The following CMTM7 variants were observed in gnomAD, a reference collection of about 807,000 sequenced individuals.
The protein encoded by CMTM7 is CKLF-like MARVEL transmembrane domain-containing protein 7.
CMTM7 carries 7 observed loss-of-function variants against 19.3 expected under a neutral mutation model. The ratio of observed to expected loss-of-function variants is 0.36; its 90% CI spans 0.21 to 0.68. The LOEUF is 0.68. CMTM7 is among the 30% of genes least tolerant of loss of function. The probability of loss-of-function intolerance (pLI) is 0.60; values close to 1 mark genes in which losing one functional copy is unlikely to be tolerated. For missense variants in CMTM7, 193 were observed against 232.6 expected (o/e 0.83, Z 1.11); for synonymous variants, 87 against 99.3 (o/e 0.88, Z 0.74).
intron 1 of CMTM7, among the ~76,000 whole-genome samples, chr3:32,400,122 C>T (rs1204573783): frequency 2.0e-5 from 3 of 151,912 alleles, no homozygotes; most frequent in African/African-American, 7.2e-5. Context: ...CAGGACCAAG[C>T]GATTTTCCTG....
chr3:32,419,380 T>TTTTC (rs1014475867), intron 1 of CMTM7, among the ~76,000 whole-genome samples: 44 of 152,334 alleles, frequency 2.9e-4, no homozygotes, highest in Middle Eastern at 3.4e-3. Flanking sequence ...CTCTATTTCT[T>TTTTC]TTTCTTACCT....
At chr3:32,412,232 C>T (rs943575758) in intron 1 of CMTM7, among the ~76,000 whole-genome samples, 4 of 152,020 alleles carry the variant, frequency 2.6e-5, no homozygotes, top group Non-Finnish European at 4.4e-5. Flanking sequence ...CACCTGTAAT[C>T]CCAGCACTTT....
chr3:32,434,768 A>C (rs1372595297), intron 1 of CMTM7, among the ~76,000 whole-genome samples: 2 of 152,166 alleles, frequency 1.3e-5, no homozygotes, highest in Non-Finnish European at 2.9e-5. Context: ...ATATATTTGC[A>C]ATGTCTATAA....
At chr3:32,451,284 T>A (rs546611583) in intron 3 of CMTM7, 2 of 152,388 alleles carry the variant, frequency 1.3e-5, no homozygotes, top group South Asian at 4.1e-4. Flanking sequence ...TACCCTTAGC[T>A]GCCCCTGCGC....
At chr3:32,403,378 G>A (rs7429221) in intron 1 of CMTM7, among the ~76,000 whole-genome samples, 23,906 of 151,986 alleles carry the variant, frequency 0.16, 2,085 homozygotes, top group East Asian at 0.28. Context: ...AGGCCACCAC[G>A]CCTGTCTAAT....
At chr3:32,399,944 T>C (rs1695976648) in intron 1 of CMTM7, among the ~76,000 whole-genome samples, 1 of 152,192 alleles carries the variant, frequency 6.6e-6, no homozygotes, top group African/African-American at 2.4e-5. Context: ...GAAAATAGAC[T>C]CACCCACTCC....
intron 1 of CMTM7, among the ~76,000 whole-genome samples, chr3:32,426,634 A>G (rs527872826): frequency 4.6e-5 from 7 of 152,156 alleles, no homozygotes; most frequent in South Asian, 2.1e-4. Context: ...GTTAATGGCT[A>G]CATAGTATTT....
Position 32,443,534 on chromosome 3 carries a change from A to T in CMTM7, c.333+1521A>T, listed in dbSNP as rs538622450. On this transcript the variant is annotated intron_variant, in intron 2 of 4. Coordinates refer to ENST00000334983, the MANE Select transcript of CMTM7 (RefSeq NM_138410.4). ...GAATAATGCTGCTATGAGCATTCAT[A>T]TACAAGTTTTTTGTGTGGACATATT... 3.3e-5 allele frequency among the ~76,000 whole-genome samples: 5 copies of T among 152,330 alleles called. No homozygotes were observed. The East Asian group carries it at 9.6e-4, about 29-fold the overall frequency.
intron 4 of CMTM7, among the ~76,000 whole-genome samples, chr3:32,453,375 T>G (rs1344961251): frequency 6.6e-6 from 1 of 152,198 alleles, no homozygotes; most frequent in African/African-American, 2.4e-5. Context: ...AATATATATA[T>G]CTGTTGCTTT....
chr3:32,454,157 A>G, intron 4 of CMTM7, 84 bp from the exon 5 acceptor site: 1 of 1,447,820 alleles, frequency 6.9e-7, no homozygotes, highest in South Asian at 1.3e-5. Context: ...CCCTGAGCAG[A>G]ACTTGGAGTC....
At position 32,391,933 on chromosome 3, in the gene CMTM7, C is replaced by A; in HGVS notation, c.27C>A (p.Arg9=). Reference sequence around the variant, plus strand: ...TGTCGCACGGAGCCGGGCTCGTCCGCACCACGTGCAGCAGCGGCAGCGCGC... The same window carrying A: ...TGTCGCACGGAGCCGGGCTCGTCCGAACCACGTGCAGCAGCGGCAGCGCGC... MSHGAGLV[R]TTCSSGSALG... The change falls in exon 1 of 5, where the codon CGC becomes CGA. Residue 9 remains arginine (R), a synonymous_variant. Coordinates refer to ENST00000334983, the MANE Select transcript of CMTM7 (RefSeq NM_138410.4). 8.1e-7 allele frequency: 1 copy of A among 1,228,092 alleles called. No homozygotes were observed. Among genetic ancestry groups the A allele is most frequent in the Middle Eastern group, 3.1e-4 (1 of 3,206 alleles). The allele number at this position is 1,228,092 out of a possible 1,614,324, so 76.1% of individuals were successfully genotyped here.
intron 1 of CMTM7, among the ~76,000 whole-genome samples, chr3:32,419,990 A>G (rs1696320866): frequency 6.6e-6 from 1 of 152,176 alleles, no homozygotes; most frequent in Non-Finnish European, 1.5e-5. Flanking sequence ...GAAAAACTTG[A>G]AGTTATGCAG....
At chr3:32,428,682 A>T (rs539364981) in intron 1 of CMTM7, among the ~76,000 whole-genome samples, 2 of 152,284 alleles carry the variant, frequency 1.3e-5, no homozygotes, top group Admixed American at 1.3e-4. Flanking sequence ...AAATTATACC[A>T]TGCCAGACAT....
intron 1 of CMTM7, among the ~76,000 whole-genome samples, chr3:32,413,928 C>T (rs1696218523): frequency 6.6e-6 from 1 of 152,150 alleles, no homozygotes; most frequent in African/African-American, 2.4e-5. Context: ...ACCAAAGGGA[C>T]TCGCCTCACC....
At chr3:32,421,268 C>T (rs1436405597) in intron 1 of CMTM7, among the ~76,000 whole-genome samples, 1 of 152,128 alleles carries the variant, frequency 6.6e-6, no homozygotes, top group Non-Finnish European at 1.5e-5. Flanking sequence ...TTCACTGGCT[C>T]CCCATCGCCC....
chr3:32,394,209 T>C (rs1348034901), intron 1 of CMTM7, among the ~76,000 whole-genome samples: 1 of 152,202 alleles, frequency 6.6e-6, no homozygotes, highest in Non-Finnish European at 1.5e-5. Context: ...TCTCCTCTTT[T>C]CTAAGACTCT....
chr3:32,452,919 A>ATT lies in CMTM7; in HGVS notation c.514+479_514+480dup, dbSNP rs368112448. On this transcript the variant is annotated intron_variant, in intron 4 of 4. Transcript: ENST00000334983. ...GTGTGCACCACCATGCCTAATTTCA[A>ATT]TTTTTTTTTTTTTTTTTTTTTTTTT... is the stretch of plus-strand genomic sequence containing the variant. 3.9e-3 allele frequency among the ~76,000 whole-genome samples: 139 copies of ATT among 35,352 alleles called. 8 individuals are homozygous for ATT. Among genetic ancestry groups the ATT allele is most frequent in the East Asian group, 0.02 (23 of 1,172 alleles). 23.2% of individuals were successfully genotyped at this position (35,352 alleles called of 152,430 possible).
chr3:32,445,679 A>T (rs1559414679), intron 2 of CMTM7, among the ~76,000 whole-genome samples: 1 of 148,516 alleles, frequency 6.7e-6, no homozygotes, highest in African/African-American at 2.5e-5. Flanking sequence ...TGCCTGGCTA[A>T]TTTTTTTTTT....
intron 1 of CMTM7, among the ~76,000 whole-genome samples, chr3:32,428,388 T>C (rs1696465011): frequency 6.6e-6 from 1 of 152,172 alleles, no homozygotes; most frequent in Non-Finnish European, 1.5e-5. Flanking sequence ...CAGATCGGGG[T>C]ACCTCATGGA....
Sources: gnomAD v4.1 joint callset for allele counts (sites outside exome capture counted in the v4.1 genomes callset) on GRCh38, gnomAD v4.1.1 for gene constraint, MANE v1.5 for transcripts, NCBI Gene and HGNC (gene_info 2026-07-23, HGNC 2026-07-21) for gene names.